VEPH1: variants seen among roughly 807,000 people sequenced by gnomAD.
VEPH1 encodes the protein ventricular zone-expressed PH domain-containing protein homolog 1.
In VEPH1, 80 loss-of-function variants were observed where a neutral mutation model predicts 85.2. The ratio of observed to expected loss-of-function variants is 0.94; its 90% CI spans 0.78 to 1.13. The LOEUF is 1.13. Among genes scored for constraint, VEPH1 ranks in the 50% most tolerant of loss-of-function variants. The pLI is 0.00. For missense variants in VEPH1, 955 were observed against 980.5 expected, an observed-to-expected ratio of 0.97 and a Z score of 0.35; for synonymous variants, 297 against 348.0, an observed-to-expected ratio of 0.85 and a Z score of 1.63.
rs180685260 is a variant in VEPH1 at position 157,282,564 on chromosome 3, G to A, written c.2128+3993C>T. On this transcript the variant is annotated intron_variant, in intron 12 of 13. Coordinates refer to ENST00000362010, the MANE Select transcript of VEPH1 (RefSeq NM_001167912.2). ...TGGGGCTGCTTAGATTTATCGAGGAGGACAGGAGTGCCAAAACTCTAAGTT... is the reference window on the plus strand; with the variant it reads ...TGGGGCTGCTTAGATTTATCGAGGAAGACAGGAGTGCCAAAACTCTAAGTT... Among the ~76,000 whole-genome samples, 628 of 152,290 alleles carry A rather than the reference G, an allele frequency of 4.1e-3. 3 individuals carry two copies. The highest frequency in any genetic ancestry group is 6.9e-3 in the Non-Finnish European group (470 of 68,026).
At chr3:157,319,359 G>T (rs1721129693) in intron 9 of VEPH1, among the ~76,000 whole-genome samples, 1 of 152,154 alleles carries the variant, frequency 6.6e-6, no homozygotes, top group South Asian at 2.1e-4. Flanking sequence ...AGACCAGGAG[G>T]TCTGGCACTG....
At position 157,455,447 on chromosome 3, in the gene VEPH1, A is replaced by G. The variant is rs183449644; in HGVS notation, c.529+4734T>C. ...GCCGCCTTTTTTTTTCTTTAAGTTCAGGGGTACATAGGCAGTTTTTTTATA... is the reference window on the plus strand; with the variant it reads ...GCCGCCTTTTTTTTTCTTTAAGTTCGGGGGTACATAGGCAGTTTTTTTATA... On this transcript the variant is annotated intron_variant, in intron 4 of 13. Coordinates refer to ENST00000362010, the MANE Select transcript of VEPH1 (RefSeq NM_001167912.2). 4.6e-4 allele frequency among the ~76,000 whole-genome samples: 69 copies of G among 150,882 alleles called. No individual in the cohort carries two copies. The East Asian group carries it at 0.013, about 28-fold the overall frequency.
intron 4 of VEPH1, among the ~76,000 whole-genome samples, chr3:157,433,531 A>G (rs1733326215): frequency 6.6e-6 from 1 of 152,186 alleles, no homozygotes; most frequent in Non-Finnish European, 1.5e-5. Flanking sequence ...CATTTAATCA[A>G]TCTTGCAGTC....
chr3:157,284,559 T>A (rs1198341195), intron 12 of VEPH1, among the ~76,000 whole-genome samples: 2 of 152,164 alleles, frequency 1.3e-5, no homozygotes, highest in African/African-American at 4.8e-5. Flanking sequence ...GGCAACAATA[T>A]TATGTTAGAC....
At chr3:157,377,466 T>C (rs1190276976) in intron 7 of VEPH1, among the ~76,000 whole-genome samples, 1 of 152,164 alleles carries the variant, frequency 6.6e-6, no homozygotes, top group African/African-American at 2.4e-5. Flanking sequence ...GCTAATTGGG[T>C]TGGGCCTTGA....
At chr3:157,311,251 C>T (rs1254371401) in intron 11 of VEPH1, among the ~76,000 whole-genome samples, 3 of 152,148 alleles carry the variant, frequency 2.0e-5, no homozygotes, top group African/African-American at 7.2e-5. Flanking sequence ...TTCATATTGT[C>T]CAGAATGTTA....
At chr3:157,356,336 C>T (rs73873648) in intron 9 of VEPH1, among the ~76,000 whole-genome samples, 223 of 151,228 alleles carry the variant, frequency 1.5e-3, no homozygotes, top group African/African-American at 4.9e-3. Flanking sequence ...TTACTCAGCT[C>T]TTTTTGCCTC....
chr3:157,480,798 C>G (rs1420271937), intron 2 of VEPH1, among the ~76,000 whole-genome samples: 1 of 151,964 alleles, frequency 6.6e-6, no homozygotes, highest in African/African-American at 2.4e-5. Flanking sequence ...ATTTATTTTC[C>G]TTTGAGTATA....
intron 2 of VEPH1, among the ~76,000 whole-genome samples, chr3:157,490,819 AT>A (rs1199429677): frequency 1.3e-5 from 2 of 152,200 alleles, no homozygotes; most frequent in African/African-American, 4.8e-5. Context: ...TTTAGAAATA[AT>A]TGGCCAAAAT....
At chr3:157,437,158 G>A (rs969114503) in intron 4 of VEPH1, 17 of 1,494,872 alleles carry the variant, frequency 1.1e-5, no homozygotes, top group African/African-American at 1.4e-5. Flanking sequence ...AGTGAGACAA[G>A]TTAAAAATTT....
intron 9 of VEPH1, among the ~76,000 whole-genome samples, chr3:157,330,958 A>G (rs527602329): frequency 2.0e-5 from 3 of 152,324 alleles, no homozygotes; most frequent in Admixed American, 2.0e-4. Flanking sequence ...TTTTGTTGGA[A>G]TAGAAGCCAC....
At chr3:157,398,478 A>G (rs756841194) in intron 6 of VEPH1, among the ~76,000 whole-genome samples, 2 of 152,094 alleles carry the variant, frequency 1.3e-5, no homozygotes, top group Non-Finnish European at 2.9e-5. Flanking sequence ...TACTAAAAAT[A>G]CAAAAATTAG....
chr3:157,278,592 G>A (rs1237481407), intron 12 of VEPH1, among the ~76,000 whole-genome samples: 2 of 152,212 alleles, frequency 1.3e-5, no homozygotes, highest in Admixed American at 1.3e-4. Context: ...CTGCATCGTG[G>A]GAGGGAGATT....
intron 2 of VEPH1, among the ~76,000 whole-genome samples, chr3:157,471,452 T>C (rs1256427308): frequency 2.0e-5 from 3 of 152,236 alleles, no homozygotes; most frequent in African/African-American, 7.2e-5. Flanking sequence ...ACTGTTGAAC[T>C]ATGTTCCAGA....
chr3:157,339,804 G>A (rs920977254), intron 9 of VEPH1, among the ~76,000 whole-genome samples: 25 of 152,128 alleles, frequency 1.6e-4, no homozygotes, highest in African/African-American at 5.6e-4. Flanking sequence ...CACTGATTGT[G>A]CCTAAACCCC....
intron 9 of VEPH1, among the ~76,000 whole-genome samples, chr3:157,327,807 G>A (rs1722081481): frequency 6.6e-6 from 1 of 152,148 alleles, no homozygotes; most frequent in South Asian, 2.1e-4. Flanking sequence ...AACAGAGTAC[G>A]ACTTGCCCAT....
At chr3:157,472,642 G>A (rs932308630) in intron 2 of VEPH1, among the ~76,000 whole-genome samples, 18 of 152,168 alleles carry the variant, frequency 1.2e-4, no homozygotes, top group South Asian at 8.3e-4. Flanking sequence ...GTACCCATTC[G>A]TTATTTTTTC....
intron 5 of VEPH1, among the ~76,000 whole-genome samples, chr3:157,414,308 A>G (rs1431278030): frequency 6.6e-6 from 1 of 152,118 alleles, no homozygotes; most frequent in East Asian, 1.9e-4. Flanking sequence ...TTTCCTTTTA[A>G]TCTGTGATTT....
intron 4 of VEPH1, among the ~76,000 whole-genome samples, chr3:157,457,711 TA>T (rs1735496637): frequency 6.6e-6 from 1 of 152,248 alleles, no homozygotes; most frequent in African/African-American, 2.4e-5. Flanking sequence ...ATCCCAGGGA[TA>T]AAGCCTACTT....
Sources: gnomAD v4.1 joint callset for allele counts (sites outside exome capture counted in the v4.1 genomes callset) on GRCh38, gnomAD v4.1.1 for gene constraint, MANE v1.5 for transcripts, NCBI Gene and HGNC (gene_info 2026-07-23, HGNC 2026-07-21) for gene names.